The following LRRC7 variants were observed in gnomAD, a reference collection of about 807,000 sequenced individuals.
The protein encoded by LRRC7 is leucine-rich repeat-containing protein 7.
LRRC7 carries 23 observed loss-of-function variants against 175.7 expected under a neutral mutation model. The ratio of observed to expected loss-of-function variants is 0.13; its 90% CI spans 0.09 to 0.19. The LOEUF (loss-of-function observed/expected upper bound fraction) is 0.19, where lower values mean the gene tolerates loss of function less well. Among genes scored for constraint, LRRC7 ranks in the 10% least tolerant of loss-of-function variants. LRRC7 has a pLI of 1.00. For synonymous variants in LRRC7, 685 were observed against 680.9 expected, an observed-to-expected ratio of 1.01 and a Z score of -0.09; for missense variants, 1,354 against 1,904.7, an observed-to-expected ratio of 0.71 and a Z score of 5.38.
chr1:70,076,200 A>G lies in LRRC7; in HGVS notation c.4354A>G (p.Ile1452Val), dbSNP rs760964105. Residue 1452 changes from isoleucine (I) to valine (V), a missense_variant, in exon 24 of 27, where the codon ATT becomes GTT. Physicochemically the swap from Ile to Val is conservative, Grantham distance 29. Around this residue, in one of 4 missense-constraint regions of LRRC7, gnomAD observed 1,032 missense variants for 1,227.2 expected, o/e 0.84. Transcript: ENST00000651989. ...CCAGCAATTTCAGTCACCATTGCCTATTCAGATCCCCTCTTCACAGGCCAC... is the reference window on the plus strand; with the variant it reads ...CCAGCAATTTCAGTCACCATTGCCTGTTCAGATCCCCTCTTCACAGGCCAC... The part of the protein sequence containing the change: ...TIQQFQSPLP[I>V]QIPSSQATRG... The G allele has an allele frequency of 3.7e-6, 6 of 1,614,026 alleles. No homozygotes were observed. Among genetic ancestry groups the G allele is most frequent in the Non-Finnish European group, 5.1e-6 (6 of 1,179,988 alleles).
intron 2 of LRRC7, among the ~76,000 whole-genome samples, chr1:69,682,311 A>G (rs1049522331): frequency 1.3e-5 from 2 of 152,104 alleles, no homozygotes; most frequent in African/African-American, 2.4e-5. Flanking sequence ...TGCCTTTGCC[A>G]TATTTTATTG....
chr1:69,695,137 G>A, intron 2 of LRRC7, among the ~76,000 whole-genome samples: 1 of 152,272 alleles, frequency 6.6e-6, no homozygotes, highest in East Asian at 1.9e-4. Flanking sequence ...AATATGGATA[G>A]TGACATCCAA....
At chr1:69,724,492 ATTAT>A (rs1426396912) in intron 2 of LRRC7, among the ~76,000 whole-genome samples, 4 of 152,246 alleles carry the variant, frequency 2.6e-5, no homozygotes, top group African/African-American at 9.6e-5. Flanking sequence ...GCTTATGATA[ATTAT>A]TTGAGAATCA....
At chr1:69,607,881 G>A (rs1647875593) in intron 1 of LRRC7, 1 of 152,148 alleles carries the variant, frequency 6.6e-6, no homozygotes, top group African/African-American at 2.4e-5. Flanking sequence ...ATCCTAGAAG[G>A]TCAGTTTCCT....
intron 7 of LRRC7, among the ~76,000 whole-genome samples, chr1:69,851,905 G>T (rs1366511045): frequency 6.6e-6 from 1 of 152,156 alleles, no homozygotes; most frequent in Non-Finnish European, 1.5e-5. Context: ...AGATGGAGGA[G>T]GAGGGGACAA....
At chr1:69,886,726 A>G (rs1645636823) in intron 7 of LRRC7, among the ~76,000 whole-genome samples, 1 of 149,196 alleles carries the variant, frequency 6.7e-6, no homozygotes, top group Admixed American at 6.7e-5. Flanking sequence ...TGGTCTTTAC[A>G]TTTTGGCATG....
At chr1:69,629,961 T>A (rs1343909449) in intron 1 of LRRC7, among the ~76,000 whole-genome samples, 1 of 152,176 alleles carries the variant, frequency 6.6e-6, no homozygotes, top group Non-Finnish European at 1.5e-5. Flanking sequence ...CATCATCAGA[T>A]GTGAAATTTA....
intron 1 of LRRC7, among the ~76,000 whole-genome samples, chr1:69,653,167 G>A (rs937218046): frequency 1.3e-5 from 2 of 151,996 alleles, no homozygotes; most frequent in Non-Finnish European, 2.9e-5. Flanking sequence ...TACAGAATGG[G>A]AGAAAATATT....
At chr1:69,825,866 C>T (rs1452625370) in intron 5 of LRRC7, 40 bp downstream of exon 5, 2 of 1,307,986 alleles carry the variant, frequency 1.5e-6, no homozygotes, top group Admixed American at 1.9e-5. Flanking sequence ...ATTTATATTT[C>T]CATTGTATAA....
At chr1:70,027,644 C>A (rs1349265201) in intron 17 of LRRC7, among the ~76,000 whole-genome samples, 2 of 152,074 alleles carry the variant, frequency 1.3e-5, no homozygotes, top group Non-Finnish European at 2.9e-5. Flanking sequence ...TTTGATATAA[C>A]ACACTAACTA....
At chr1:69,689,313 G>A (rs1482233987) in intron 2 of LRRC7, among the ~76,000 whole-genome samples, 1 of 152,152 alleles carries the variant, frequency 6.6e-6, no homozygotes. Flanking sequence ...TAGCTAGTAA[G>A]TGCTGAAGCT....
intron 3 of LRRC7, among the ~76,000 whole-genome samples, chr1:69,777,820 C>T (rs1034001682): frequency 6.6e-6 from 1 of 152,212 alleles, no homozygotes; most frequent in Non-Finnish European, 1.5e-5. Context: ...GAATAGTCTC[C>T]TTGCTGTTAC....
chr1:69,928,145 G>A (rs1336155580), intron 7 of LRRC7, among the ~76,000 whole-genome samples: 1 of 152,162 alleles, frequency 6.6e-6, no homozygotes, highest in African/African-American at 2.4e-5. Flanking sequence ...GAATGCTGCT[G>A]TCTGATCGTT....
In LRRC7 at chr1:70,140,422, T is replaced by C. The variant is rs934846961; in HGVS notation, c.*18535T>C. ...CTGGCCACATAAGGAACATCCTGTTTCTTTAAATCCTCAATGCTTAAATTG... is the reference window on the plus strand; with the variant it reads ...CTGGCCACATAAGGAACATCCTGTTCCTTTAAATCCTCAATGCTTAAATTG... On this transcript the variant is annotated 3_prime_UTR_variant, in exon 27 of 27. Transcript: ENST00000651989. 6.6e-6 allele frequency: 1 copy of C among 152,162 alleles called. No individual in the cohort carries two copies. Among genetic ancestry groups the C allele is most frequent in the Non-Finnish European group, 1.5e-5 (1 of 68,014 alleles). The allele number at this position is 152,162 out of a possible 1,614,324, so 9.4% of individuals were successfully genotyped here.
intron 2 of LRRC7, among the ~76,000 whole-genome samples, chr1:69,753,283 C>CGTGTGTGTGT (rs199915847): frequency 8.4e-5 from 11 of 131,136 alleles, no homozygotes; most frequent in Non-Finnish European, 1.8e-4. Context: ...AAATCATTGT[C>CGTGTGTGTGT]GTGTGTGTGT....
In LRRC7 at chr1:70,049,801, TATAAC is replaced by T. The variant is rs1288090703; in HGVS notation, c.4111-3223_4111-3219del. ...CAAAAGATAAGATGGAAATGAATAA[TATAAC>T]AATAATTTCACTGGAAAAACTTTGG... On this transcript the variant is annotated intron_variant, in intron 22 of 26. Transcript: ENST00000651989. Among the ~76,000 whole-genome samples, 17 of 152,174 alleles carry T rather than the reference TATAAC, an allele frequency of 1.1e-4. No individual in the cohort carries two copies. In the East Asian group the frequency reaches 3.1e-3, roughly 28 times the overall value.
intron 2 of LRRC7, among the ~76,000 whole-genome samples, chr1:69,758,777 G>A (rs1670714446): frequency 6.6e-6 from 1 of 151,822 alleles, no homozygotes; most frequent in African/African-American, 2.4e-5. Context: ...TTCTCCTCCT[G>A]CATTAATTTG....
At chr1:69,902,741 T>C (rs1336925858) in intron 7 of LRRC7, among the ~76,000 whole-genome samples, 3 of 152,234 alleles carry the variant, frequency 2.0e-5, no homozygotes, top group Non-Finnish European at 4.4e-5. Flanking sequence ...TGTTATCACA[T>C]TGACAAAAAA....
In LRRC7 at chr1:70,141,302, G is replaced by A. The variant is rs1411875156; in HGVS notation, c.*19415G>A. The A allele has an allele frequency of 2.0e-5, 3 of 152,112 alleles. No individual in the cohort carries two copies. Among genetic ancestry groups the A allele is most frequent in the Non-Finnish European group, 1.5e-5 (1 of 68,000 alleles). 9.4% of individuals were successfully genotyped at this position (152,112 alleles called of 1,614,324 possible). On this transcript the variant is annotated 3_prime_UTR_variant, in exon 27 of 27. Transcript: ENST00000651989. The stretch of plus-strand genomic sequence containing the variant: ...AGGGTTTTTAAGAGTTAAGTCAGTA[G>A]AAAGGGAGCCTGCAAATGAGACAAT...
Sources: gnomAD v4.1 joint callset for allele counts (sites outside exome capture counted in the v4.1 genomes callset) on GRCh38, gnomAD v4.1.1 for gene constraint, gnomAD v4.1.1 regional missense constraint, MANE v1.5 for transcripts, NCBI Gene and HGNC (gene_info 2026-07-23, HGNC 2026-07-21) for gene names.